Variants in CDH18 observed in about 807,000 individuals in gnomAD.
The protein encoded by CDH18 is cadherin 18.
Under a neutral mutation model 67.9 loss-of-function variants are expected in CDH18, and 31 were observed. The observed-to-expected ratio is 0.46, with a 90% CI of 0.34 to 0.62. The LOEUF is 0.62. Ranked by LOEUF, CDH18 falls within the 20% of genes least tolerant of loss-of-function variation. The pLI is 0.01. For synonymous variants in CDH18, 362 were observed against 347.2 expected (o/e 1.04, Z -0.48); for missense variants, 890 against 975.5 (o/e 0.91, Z 1.17).
chr5:20,220,777 GA>G (rs920661465), intron 2 of CDH18, among the ~76,000 whole-genome samples: 2 of 151,272 alleles, frequency 1.3e-5, no homozygotes, highest in Non-Finnish European at 2.9e-5. Context: ...AACTCTATAG[GA>G]AAAAAAATAA....
At chr5:20,388,517 C>T (rs1562023796) in intron 1 of CDH18, among the ~76,000 whole-genome samples, 1 of 151,930 alleles carries the variant, frequency 6.6e-6, no homozygotes, top group Non-Finnish European at 1.5e-5. Context: ...TTCAAAAAAC[C>T]AGCTCCTAGA....
chr5:20,268,989 A>C (rs940880282), intron 1 of CDH18, among the ~76,000 whole-genome samples: 1 of 152,194 alleles, frequency 6.6e-6, no homozygotes, highest in Admixed American at 6.5e-5. Flanking sequence ...ACAGGGGATT[A>C]ATATCCACAA....
At chr5:19,724,635 T>C (rs1003327245) in intron 4 of CDH18, among the ~76,000 whole-genome samples, 5 of 152,028 alleles carry the variant, frequency 3.3e-5, no homozygotes, top group Non-Finnish European at 5.9e-5. Context: ...TGGTTTTGCA[T>C]GATGTTACCA....
At chr5:20,049,053 A>AT (rs1402517420) in intron 2 of CDH18, among the ~76,000 whole-genome samples, 1 of 151,742 alleles carries the variant, frequency 6.6e-6, no homozygotes, top group African/African-American at 2.4e-5. Context: ...AATCTGCTTT[A>AT]TTTTTTTATC....
rs545604844 is a variant in CDH18 at position 20,394,571 on chromosome 5, A to G, written c.-579-139066T>C. On this transcript the variant is annotated intron_variant, in intron 1 of 14. Coordinates refer to the CDH18 transcript ENST00000507958. The stretch of plus-strand genomic sequence containing the variant: ...CCAAAAGCAAATTCAACAAAAACAA[A>G]AGTAAATACATGGGACCTAATTAAA... Among the ~76,000 whole-genome samples, 233 of 152,202 alleles carry G rather than the reference A, an allele frequency of 1.5e-3. 1 individual carries two copies. Among genetic ancestry groups the G allele is most frequent in the Non-Finnish European group, 2.9e-3 (199 of 67,992 alleles).
chr5:20,036,403 A>G (rs563108856), intron 2 of CDH18, among the ~76,000 whole-genome samples: 1 of 152,166 alleles, frequency 6.6e-6, no homozygotes, highest in African/African-American at 2.4e-5. Context: ...ATACTTAAAA[A>G]GAAGAAAAAA....
In CDH18 at chr5:19,510,408, TAA is replaced by T. The variant is rs532345942; in HGVS notation, c.1513-7301_1513-7300del. 2.0e-5 allele frequency among the ~76,000 whole-genome samples: 3 copies of T among 152,252 alleles called. No individual in the cohort carries two copies. The East Asian group carries it at 5.8e-4, about 29-fold the overall frequency. On this transcript the variant is annotated intron_variant, in intron 10 of 12. Coordinates refer to ENST00000382275, the MANE Select transcript of CDH18 (RefSeq NM_004934.5). ...ATCTTTTCTCCCATCAATTAAAGCT[TAA>T]AGTTATTTTGGTGGAAGAGGTGAAA...
chr5:20,169,958 G>C (rs1736567885), intron 2 of CDH18, among the ~76,000 whole-genome samples: 1 of 151,854 alleles, frequency 6.6e-6, no homozygotes, highest in African/African-American at 2.4e-5. Context: ...TAAACAATAA[G>C]TTTTTAAAGT....
chr5:20,265,907 A>T (rs780681383), intron 1 of CDH18, among the ~76,000 whole-genome samples: 9 of 152,222 alleles, frequency 5.9e-5, no homozygotes, highest in Non-Finnish European at 1.2e-4. Context: ...AGTAAAGATG[A>T]CTGACCTCAC....
chr5:20,009,595 T>C (rs1244021494), intron 2 of CDH18, among the ~76,000 whole-genome samples: 1 of 152,094 alleles, frequency 6.6e-6, no homozygotes, highest in Non-Finnish European at 1.5e-5. Flanking sequence ...GAGACCAATA[T>C]ACGAAGTTTT....
At chr5:19,481,347 A>G (rs879577304) in intron 12 of CDH18, among the ~76,000 whole-genome samples, 2 of 152,172 alleles carry the variant, frequency 1.3e-5, no homozygotes, top group South Asian at 2.1e-4. Context: ...TAACTCATGC[A>G]GGTATCTACA....
In CDH18 at chr5:19,626,167, C is replaced by T. The variant is rs192641233; in HGVS notation, c.644-13566G>A. Among the ~76,000 whole-genome samples, 30 of 152,202 alleles carry T rather than the reference C, an allele frequency of 2.0e-4. No individual in the cohort carries two copies. The East Asian group carries it at 3.5e-3, about 18-fold the overall frequency. ...ACTTTTTCATGGGGAGAGGACACCA[C>T]TCAAGCGACAACACTAAAGCAAAAT... On this transcript the variant is annotated intron_variant, in intron 5 of 12. Coordinates refer to ENST00000382275, the MANE Select transcript of CDH18 (RefSeq NM_004934.5).
At chr5:20,389,049 C>A (rs1744582392) in intron 1 of CDH18, among the ~76,000 whole-genome samples, 1 of 152,118 alleles carries the variant, frequency 6.6e-6, no homozygotes, top group Non-Finnish European at 1.5e-5. Context: ...GTGGAGAGAT[C>A]TGTAGATGTC....
intron 1 of CDH18, among the ~76,000 whole-genome samples, chr5:20,561,856 G>A (rs1581203654): frequency 6.6e-6 from 1 of 151,692 alleles, no homozygotes; most frequent in South Asian, 2.1e-4. Context: ...ACCTCGTAAT[G>A]TCTTCATTAT....
At chr5:19,845,209 C>G (rs1782790706) in intron 2 of CDH18, among the ~76,000 whole-genome samples, 1 of 151,978 alleles carries the variant, frequency 6.6e-6, no homozygotes, top group Admixed American at 6.6e-5. Context: ...ATAAATGATT[C>G]TGTTTCCTTG....
intron 9 of CDH18, among the ~76,000 whole-genome samples, chr5:19,535,339 A>T (rs914470762): frequency 7.2e-5 from 11 of 152,138 alleles, no homozygotes; most frequent in Admixed American, 6.6e-4. Context: ...GCTAATTAGG[A>T]TCTCTTTGTG....
chr5:19,505,251 T>C (rs773743195), intron 10 of CDH18, among the ~76,000 whole-genome samples: 2 of 152,162 alleles, frequency 1.3e-5, no homozygotes, highest in South Asian at 2.1e-4. Context: ...TATACAATTA[T>C]GTCATCTGAA....
intron 1 of CDH18, among the ~76,000 whole-genome samples, chr5:20,446,680 G>A (rs1014450785): frequency 5.3e-5 from 8 of 152,082 alleles, no homozygotes; most frequent in African/African-American, 1.9e-4. Context: ...ATTTCCTAAC[G>A]ATGCATTTTG....
At chr5:19,655,828 C>A (rs1275363847) in intron 5 of CDH18, among the ~76,000 whole-genome samples, 1 of 152,068 alleles carries the variant, frequency 6.6e-6, no homozygotes, top group East Asian at 1.9e-4. Context: ...GTTCTGTCAT[C>A]CTTAGAAAGC....
Sources: gnomAD v4.1 joint callset for allele counts (sites outside exome capture counted in the v4.1 genomes callset) on GRCh38, gnomAD v4.1.1 for gene constraint, MANE v1.5 for transcripts, NCBI Gene and HGNC (gene_info 2026-07-23, HGNC 2026-07-21) for gene names.